The following VCL variants were observed in gnomAD, a reference collection of about 807,000 sequenced individuals.
VCL encodes vinculin.
A neutral mutation model predicts 125.7 loss-of-function variants in VCL; 47 were observed. The ratio of observed to expected loss-of-function variants is 0.37; its 90% confidence interval spans 0.30 to 0.48. The LOEUF is 0.48. Among genes scored for constraint, VCL ranks in the 20% least tolerant of loss-of-function variants. The pLI, the probability that VCL is intolerant of heterozygous loss-of-function variation, is 0.99. For synonymous variants in VCL, 458 were observed against 514.6 expected (o/e 0.89, Z 1.49); for missense variants, 1,069 against 1,455.5 (o/e 0.73, Z 4.32).
intron 2 of VCL, among the ~76,000 whole-genome samples, chr10:74,065,949 T>G (rs1230291068): frequency 1.3e-5 from 2 of 151,646 alleles, no homozygotes; most frequent in African/African-American, 4.8e-5. Context: ...GAATAAAAAT[T>G]TTCACAGCAC....
At chr10:74,084,650 T>C (rs1477512531) in intron 8 of VCL, among the ~76,000 whole-genome samples, 7 of 152,004 alleles carry the variant, frequency 4.6e-5, no homozygotes, top group African/African-American at 1.7e-4. Context: ...TTCGCTCTTG[T>C]TGCCCAGGCT....
chr10:74,107,374 C>T lies in VCL; in HGVS notation c.2559+20C>T. ...CTCCGAGTAAGTAAATTCAGATATG[C>T]AGAGAATTGAGCAGGAAGGTGTTGA... On this transcript the variant is annotated intron_variant, in intron 17 of 21. Coordinates refer to ENST00000211998, the MANE Select transcript of VCL (RefSeq NM_014000.3). 1.9e-6 allele frequency: 3 copies of T among 1,614,166 alleles called. No individual in the cohort carries two copies. Among genetic ancestry groups the T allele is most frequent in the Non-Finnish European group, 2.5e-6 (3 of 1,180,048 alleles).
intron 11 of VCL, 143 bp from the exon 12 acceptor site, chr10:74,095,513 C>T (rs1014574286): frequency 2.0e-5 from 19 of 956,040 alleles, no homozygotes; most frequent in East Asian, 5.2e-5. Flanking sequence ...TTGCTTGAGC[C>T]GGCAGGTCAA....
Position 74,070,823 on chromosome 10 carries a change from A to G in VCL, c.390+3A>G. The G allele has an allele frequency of 1.9e-6, 3 of 1,614,066 alleles. No individual in the cohort carries two copies. The South Asian group carries it at 3.3e-5, about 18-fold the overall frequency. ...TCCTTACCTTCGATGAGGCTGAGGT[A>G]GGCAATCTGAGACAAAAAGCCTACT... On this transcript the variant is annotated splice_donor_region_variant and intron_variant, in intron 3 of 21. Transcript: ENST00000211998.
chr10:74,088,398 C>G (rs1186644987), intron 8 of VCL, among the ~76,000 whole-genome samples: 1 of 152,074 alleles, frequency 6.6e-6, no homozygotes, highest in East Asian at 1.9e-4. Context: ...TTTCCTATCA[C>G]CATGTGCTCA....
chr10:74,104,789 T>G, intron 15 of VCL: 1 of 499,750 alleles, frequency 2.0e-6, no homozygotes, highest in Non-Finnish European at 3.6e-6. Context: ...CATTTCTGGT[T>G]GTCTGGGGTG....
At chr10:74,088,387 G>C (rs1383921607) in intron 8 of VCL, among the ~76,000 whole-genome samples, 2 of 152,048 alleles carry the variant, frequency 1.3e-5, no homozygotes, top group African/African-American at 4.8e-5. Flanking sequence ...GGAAACAGTG[G>C]TTTCCTATCA....
chr10:74,030,905 G>T (rs1840862580), intron 1 of VCL, among the ~76,000 whole-genome samples: 1 of 152,086 alleles, frequency 6.6e-6, no homozygotes, highest in South Asian at 2.1e-4. Context: ...GCAACCTCTG[G>T]CACAAATGGG....
intron 8 of VCL, among the ~76,000 whole-genome samples, chr10:74,086,524 G>C (rs1233226344): frequency 6.6e-6 from 1 of 152,258 alleles, no homozygotes; most frequent in Admixed American, 6.5e-5. Flanking sequence ...AGTGCAGTTT[G>C]ATAGGATTCT....
chr10:74,095,172 T>C (rs970336073), intron 11 of VCL, among the ~76,000 whole-genome samples: 2 of 152,242 alleles, frequency 1.3e-5, no homozygotes, highest in African/African-American at 2.4e-5. Flanking sequence ...TACAGGAATA[T>C]ATGCATACAG....
intron 1 of VCL, among the ~76,000 whole-genome samples, chr10:74,002,286 C>T (rs369603861): frequency 9.2e-5 from 14 of 152,168 alleles, no homozygotes; most frequent in East Asian, 5.8e-4. Context: ...CCACCACGCC[C>T]GGCTAATTTT....
intron 2 of VCL, among the ~76,000 whole-genome samples, chr10:74,067,804 C>T (rs1183838591): frequency 6.6e-6 from 1 of 152,136 alleles, no homozygotes; most frequent in African/African-American, 2.4e-5. Flanking sequence ...AGACAGAAAG[C>T]AGATTAGCGG....
Position 74,109,041 on chromosome 10 carries a change from C to T in VCL, c.2630C>T (p.Pro877Leu), listed in dbSNP as rs570362710. The T allele has an allele frequency of 3.7e-6, 6 of 1,614,168 alleles. No homozygotes were observed. The East Asian group carries it at 1.3e-4, about 36-fold the overall frequency. The change falls in exon 18 of 22, where the codon CCA becomes CTA. Residue 877 changes from proline to leucine, a missense_variant. Physicochemically the swap from Pro to Leu is moderately conservative, Grantham distance 98. Transcript: ENST00000211998. ...GAGGTCCCTCCACCTAGGCCTCCACCACCAGAGGAAAAGGATGAAGAGTTC... is the reference window on the plus strand; with the variant it reads ...GAGGTCCCTCCACCTAGGCCTCCACTACCAGAGGAAAAGGATGAAGAGTTC... ...EGEVPPPRPP[P>L]PEEKDEEFPE...
At position 74,099,309 on chromosome 10, in the gene VCL, CCTGCACAGT is replaced by C. The variant is rs541475155; in HGVS notation, c.1873-1635_1873-1627del. Among the ~76,000 whole-genome samples, 506 of 152,288 alleles carry C rather than the reference CCTGCACAGT, an allele frequency of 3.3e-3. 1 individual carries two copies. The highest frequency in any genetic ancestry group is 0.011 in the African/African-American group (477 of 41,570). On this transcript the variant is annotated intron_variant, in intron 13 of 21. Transcript: ENST00000211998. ...AGCTATACCTAGTTGCTTGTGGTTTCCTGCACAGTCTGTCTTTTCCATGTCTTTGTTTTT... is the reference window on the plus strand; with the variant it reads ...AGCTATACCTAGTTGCTTGTGGTTTCCTGTCTTTTCCATGTCTTTGTTTTT...
At chr10:74,095,902 A>T in intron 12 of VCL, 47 bp downstream of exon 12, 1 of 1,596,986 alleles carries the variant, frequency 6.3e-7, no homozygotes, top group African/African-American at 1.3e-5. Context: ...GCTTCCTATT[A>T]TTGAAAGACG....
intron 1 of VCL, among the ~76,000 whole-genome samples, chr10:73,999,101 T>G (rs1840175213): frequency 1.3e-5 from 2 of 152,232 alleles, no homozygotes; most frequent in Non-Finnish European, 2.9e-5. Context: ...CCTGCTGCCC[T>G]TCCTTTCATT....
chr10:74,037,328 A>G (rs1052266322), intron 1 of VCL, among the ~76,000 whole-genome samples: 13 of 152,220 alleles, frequency 8.5e-5, no homozygotes, highest in African/African-American at 3.1e-4. Context: ...CAATGGGTTA[A>G]TGGCTTAAAA....
At chr10:74,079,236 G>C (rs1839640648) in intron 6 of VCL, among the ~76,000 whole-genome samples, 1 of 152,072 alleles carries the variant, frequency 6.6e-6, no homozygotes, top group African/African-American at 2.4e-5. Flanking sequence ...TAACATGGTG[G>C]GGGAGGACCC....
intron 1 of VCL, among the ~76,000 whole-genome samples, chr10:73,999,282 A>C (rs1483450971): frequency 6.6e-6 from 1 of 152,160 alleles, no homozygotes; most frequent in Non-Finnish European, 1.5e-5. Flanking sequence ...GCCGGAGAGA[A>C]GGCTGGGGCA....
Sources: allele counts gnomAD v4.1 joint callset (sites outside exome capture counted in the v4.1 genomes callset), GRCh38; gene constraint gnomAD v4.1.1; transcripts MANE v1.5; gene names NCBI Gene and HGNC (gene_info 2026-07-23, HGNC 2026-07-21).